Variants in SLC12A7 observed in about 807,000 individuals in gnomAD.
SLC12A7 encodes solute carrier family 12 member 7, also known as K-Cl cotransporter 4.
SLC12A7 carries 100 observed loss-of-function variants against 120.6 expected under a neutral mutation model. The ratio of observed to expected loss-of-function variants is 0.83; its 90% CI spans 0.71 to 0.98. SLC12A7 has a LOEUF of 0.98. SLC12A7 is among the 50% of genes least tolerant of loss of function. The pLI is 0.00. For missense variants in SLC12A7, 1,373 were observed against 1,548.1 expected, an observed-to-expected ratio of 0.89 and a Z score of 1.90; for synonymous variants, 760 against 678.0, an observed-to-expected ratio of 1.12 and a Z score of -1.88.
chr5:1,154,683 A>G, the SLC12A7 span, among the ~76,000 whole-genome samples: 2 of 152,010 alleles, frequency 1.3e-5, no homozygotes, highest in Non-Finnish European at 2.9e-5. Flanking sequence ...GGACTCTCAC[A>G]TGTGTGACAT....
Position 1,085,412 on chromosome 5 carries a change from G to A in SLC12A7, c.737C>T (p.Ala246Val). 1.2e-6 allele frequency: 2 copies of A among 1,610,116 alleles called. No homozygotes were observed. Among genetic ancestry groups the A allele is most frequent in the South Asian group, 1.1e-5 (1 of 90,620 alleles). ...QAEAAGGEAA[A>V]MLHNMRVYGT... ...GTACACACGCATGTTGTGCAGCATG[G>A]CGGCCGCCTCGCCACCTGCAGCCTC... The change falls in exon 7 of 24, where the codon GCC becomes GTC. Residue 246 changes from alanine to valine, a missense_variant. Coordinates refer to ENST00000264930, the MANE Select transcript of SLC12A7 (RefSeq NM_006598.3).
rs114611005 is a variant in SLC12A7, at chr5:1,060,693, C to T, written c.2740-242G>A. On this transcript the variant is annotated intron_variant, in intron 20 of 23. Transcript: ENST00000264930. ...ATGTCCCTCCCCGGGACCCTCCGAC[C>T]GGGCACAAGGGCAGCTGTGAGGGCA... Among the ~76,000 whole-genome samples the T allele has an allele frequency of 3.1e-3, 476 of 152,306 alleles. 4 individuals carry two copies. The highest frequency in any genetic ancestry group is 0.011 in the African/African-American group (454 of 41,572).
At chr5:1,078,995 G>A (rs1738687165) in intron 10 of SLC12A7, among the ~76,000 whole-genome samples, 2 of 152,162 alleles carry the variant, frequency 1.3e-5, no homozygotes, top group African/African-American at 4.8e-5. Flanking sequence ...TGGGGTGGTG[G>A]ACACACACCT....
At chr5:1,091,929 G>C (rs1487921671) in intron 3 of SLC12A7, among the ~76,000 whole-genome samples, 7 of 152,122 alleles carry the variant, frequency 4.6e-5, no homozygotes, top group Admixed American at 3.3e-4. Flanking sequence ...AGACAGGGGG[G>C]GCGGCCACAA....
At chr5:1,100,055 C>G (rs1741862946) in intron 1 of SLC12A7, among the ~76,000 whole-genome samples, 2 of 152,234 alleles carry the variant, frequency 1.3e-5, no homozygotes, top group Middle Eastern at 3.2e-3. Context: ...CATGGCATTT[C>G]AACCCTCTCC....
intron 21 of SLC12A7, 64 bp from the exon 22 acceptor site, chr5:1,057,713 G>C: frequency 6.8e-7 from 1 of 1,475,406 alleles, no homozygotes. Flanking sequence ...AGAGCGACCC[G>C]GGATGCCAGG....
At chr5:1,144,297 G>A in the SLC12A7 span, among the ~76,000 whole-genome samples, 39 of 152,340 alleles carry the variant, frequency 2.6e-4, no homozygotes, top group African/African-American at 8.9e-4. Context: ...AGGGGCCCAC[G>A]TCCCGGGCTC....
At position 1,053,101 on chromosome 5, in the gene SLC12A7, G is replaced by T. The variant is rs2241601; in HGVS notation, c.3160+248C>A. Among the ~76,000 whole-genome samples, 139 of 152,148 alleles carry T rather than the reference G, an allele frequency of 9.1e-4. 1 individual carries two copies. The highest frequency in any genetic ancestry group is 2.5e-4 in the Non-Finnish European group (17 of 67,966). On this transcript the variant is annotated intron_variant, in intron 23 of 23. Transcript: ENST00000264930. ...GCCCCAGGGCAGCCCTGAGCACCTG[G>T]GGACAGTGGGGCTGGTACTGTAGGC...
In SLC12A7 at chr5:1,050,562, CAG is replaced by C. The variant is rs1734938019; in HGVS notation, c.*1796_*1797del. 7 of 304,446 alleles carry C rather than the reference CAG, an allele frequency of 2.3e-5. No homozygotes were observed. The highest frequency in any genetic ancestry group is 4.2e-5 in the Non-Finnish European group (7 of 166,962). The allele number at this position is 304,446 out of a possible 1,614,324, so 18.9% of individuals were successfully genotyped here. A position where few individuals can be genotyped will look rare whatever the true frequency, so the allele number is the denominator to read the frequency against. On this transcript the variant is annotated 3_prime_UTR_variant, in exon 24 of 24. Transcript: ENST00000264930. ...CAGGGCGGGGGCAGAGCTGAGCCCT[CAG>C]GAGGTGGTTTCGTGTGCAGAACTGA...
At chr5:1,090,401 G>A (rs1561087445) in intron 3 of SLC12A7, among the ~76,000 whole-genome samples, 1 of 152,214 alleles carries the variant, frequency 6.6e-6, no homozygotes, top group Non-Finnish European at 1.5e-5. Flanking sequence ...AGCAACAGGG[G>A]AGCGACTTGC....
intron 20 of SLC12A7, among the ~76,000 whole-genome samples, chr5:1,063,322 G>C (rs1306630605): frequency 6.6e-6 from 1 of 152,206 alleles, no homozygotes; most frequent in Admixed American, 6.5e-5. Flanking sequence ...GAGCCCATCT[G>C]GGGAGAGCAC....
At chr5:1,095,063 A>AGGCGGGGAC (rs1561095055) in intron 1 of SLC12A7, among the ~76,000 whole-genome samples, 1 of 78,146 alleles carries the variant, frequency 1.3e-5, no homozygotes. Flanking sequence ...GGCCGGTAGG[A>AGGCGGGGAC]GGTGGGGCCC....
chr5:1,094,364 C>T, intron 1 of SLC12A7, 116 bp from the exon 2 acceptor site: 1 of 753,714 alleles, frequency 1.3e-6, no homozygotes, highest in South Asian at 1.4e-5. Context: ...CACCTCTAAA[C>T]CATGGCTAAG....
At chr5:1,069,238 C>T (rs556561399) in intron 17 of SLC12A7, among the ~76,000 whole-genome samples, 12 of 152,344 alleles carry the variant, frequency 7.9e-5, no homozygotes, top group South Asian at 2.1e-4. Flanking sequence ...CGGCGGGGGC[C>T]ATTTTTTACC....
At chr5:1,094,310 C>A in intron 1 of SLC12A7, 62 bp from the exon 2 acceptor site, 1 of 1,224,216 alleles carries the variant, frequency 8.2e-7, no homozygotes. Context: ...CACAGAAGGC[C>A]AACTACAGAT....
rs573402012 is a variant in SLC12A7 at position 1,059,859 on chromosome 5, CTG to C, written c.2847+483_2847+484del. Among the ~76,000 whole-genome samples the C allele has an allele frequency of 1.8e-3, 269 of 150,814 alleles. 2 individuals are homozygous for C. The highest frequency in any genetic ancestry group is 3.4e-3 in the Middle Eastern group (1 of 292). On this transcript the variant is annotated intron_variant, in intron 21 of 23. Coordinates refer to ENST00000264930, the MANE Select transcript of SLC12A7 (RefSeq NM_006598.3). ...TCCCACTTGGTCTTAGGACAGAAATCTGTGCATGCTGCGGGGAAGGGCACTGA... is the reference window on the plus strand; with the variant it reads ...TCCCACTTGGTCTTAGGACAGAAATCTGCATGCTGCGGGGAAGGGCACTGA...
chr5:1,059,248 G>A (rs907943549), intron 21 of SLC12A7, among the ~76,000 whole-genome samples: 12 of 152,188 alleles, frequency 7.9e-5, no homozygotes, highest in African/African-American at 2.7e-4. Context: ...ACCTGCCCGG[G>A]GTCTGGGAGT....
chr5:1,095,809 G>A (rs921921092), intron 1 of SLC12A7, among the ~76,000 whole-genome samples: 7 of 152,226 alleles, frequency 4.6e-5, no homozygotes, highest in African/African-American at 7.2e-5. Flanking sequence ...GGGCATCGCC[G>A]TCTGGGGGCA....
intron 21 of SLC12A7, among the ~76,000 whole-genome samples, chr5:1,057,882 C>G (rs1344714428): frequency 6.6e-6 from 1 of 152,208 alleles, no homozygotes; most frequent in Non-Finnish European, 1.5e-5. Flanking sequence ...CCGCCCTGGC[C>G]CTGAACTGGA....
Sources: allele counts gnomAD v4.1 joint callset (sites outside exome capture counted in the v4.1 genomes callset), GRCh38; gene constraint gnomAD v4.1.1; transcripts MANE v1.5; gene names NCBI Gene and HGNC (gene_info 2026-07-23, HGNC 2026-07-21).